GALNT13: variants seen among roughly 807,000 people sequenced by gnomAD.
The protein encoded by GALNT13 is polypeptide N-acetylgalactosaminyltransferase 13, also known as UDP-GalNAc:polypeptide N-acetylgalactosaminyltransferase 13.
A neutral mutation model predicts 64.2 loss-of-function variants in GALNT13; 28 were observed. That is an observed-to-expected ratio of 0.44 (90% CI 0.32 to 0.60). The LOEUF is 0.60. Ranked by LOEUF, GALNT13 falls within the 20% of genes least tolerant of loss-of-function variation. The probability of loss-of-function intolerance (pLI) is 0.05; values close to 1 mark genes in which losing one functional copy is unlikely to be tolerated. For missense variants in GALNT13, 577 were observed against 669.8 expected, an observed-to-expected ratio of 0.86 and a Z score of 1.53; for synonymous variants, 214 against 224.6, an observed-to-expected ratio of 0.95 and a Z score of 0.42.
rs115739622 is a variant in GALNT13 at position 154,086,802 on chromosome 2, C to A, written c.143-53535C>A. 5.3e-3 allele frequency among the ~76,000 whole-genome samples: 804 copies of A among 152,110 alleles called. 5 individuals are homozygous for A. The highest frequency in any genetic ancestry group is 0.018 in the African/African-American group (758 of 41,506). The stretch of plus-strand genomic sequence containing the variant: ...CACACACACGCGCACGCGATAGGAT[C>A]CAGATTGATGCCCTAATAAAGTAAC... On this transcript the variant is annotated intron_variant, in intron 3 of 12. Coordinates refer to ENST00000392825, the MANE Select transcript of GALNT13 (RefSeq NM_052917.4).
chr2:153,773,519 T>C, the GALNT13 span, among the ~76,000 whole-genome samples: 1 of 152,228 alleles, frequency 6.6e-6, no homozygotes, highest in Admixed American at 6.5e-5. Context: ...CTATGTGGAA[T>C]AGAATATAGA....
chr2:154,332,027 G>C (rs929029034), intron 9 of GALNT13, among the ~76,000 whole-genome samples: 1 of 151,990 alleles, frequency 6.6e-6, no homozygotes, highest in Non-Finnish European at 1.5e-5. Context: ...TGTTGTACTG[G>C]GTTGAATAAT....
chr2:153,470,135 G>C, the GALNT13 span, among the ~76,000 whole-genome samples: 1 of 152,174 alleles, frequency 6.6e-6, no homozygotes, highest in Non-Finnish European at 1.5e-5. Context: ...GACTAGCTGT[G>C]TGGAACCGTA....
At chr2:154,190,406 C>T (rs1686509949) in intron 4 of GALNT13, among the ~76,000 whole-genome samples, 1 of 152,170 alleles carries the variant, frequency 6.6e-6, no homozygotes, top group African/African-American at 2.4e-5. Context: ...ATGTGATTAA[C>T]ATGCTGGGTT....
At chr2:154,116,970 G>C (rs946319883) in intron 3 of GALNT13, among the ~76,000 whole-genome samples, 2 of 152,162 alleles carry the variant, frequency 1.3e-5, no homozygotes, top group Admixed American at 1.3e-4. Flanking sequence ...CCAGCTGCAA[G>C]CTGAGGAGCA....
intron 3 of GALNT13, among the ~76,000 whole-genome samples, chr2:153,992,305 A>G (rs1471452239): frequency 6.6e-6 from 1 of 152,220 alleles, no homozygotes; most frequent in Non-Finnish European, 1.5e-5. Context: ...TTAGTGTGCT[A>G]AGATTATATA....
At chr2:154,446,604 C>T (rs1476423466) in intron 12 of GALNT13, 6 of 1,547,538 alleles carry the variant, frequency 3.9e-6, no homozygotes, top group African/African-American at 2.7e-5. Context: ...CCAGTCTTGT[C>T]TCTCAGTGAA....
At chr2:153,329,200 C>T in the GALNT13 span, among the ~76,000 whole-genome samples, 4 of 152,110 alleles carry the variant, frequency 2.6e-5, no homozygotes, top group African/African-American at 7.2e-5. Context: ...AATCACCCAC[C>T]TTCTGCATTG....
the GALNT13 span, among the ~76,000 whole-genome samples, chr2:153,814,419 T>G: frequency 3.3e-5 from 5 of 151,996 alleles, no homozygotes; most frequent in Non-Finnish European, 5.9e-5. Context: ...CAGCCTGGGC[T>G]ACAGAGCGAG....
At chr2:153,779,947 G>C in the GALNT13 span, among the ~76,000 whole-genome samples, 1 of 151,854 alleles carries the variant, frequency 6.6e-6, no homozygotes, top group Non-Finnish European at 1.5e-5. Flanking sequence ...TTTAACATGT[G>C]TGGTGAACGT....
At chr2:153,260,311 T>C in the GALNT13 span, among the ~76,000 whole-genome samples, 1 of 152,332 alleles carries the variant, frequency 6.6e-6, no homozygotes, top group African/African-American at 2.4e-5. Context: ...CTTCACATGA[T>C]TTCTTATTGC....
At chr2:153,792,906 C>T in the GALNT13 span, among the ~76,000 whole-genome samples, 1 of 151,710 alleles carries the variant, frequency 6.6e-6, no homozygotes, top group African/African-American at 2.4e-5. Flanking sequence ...CAGAAACATA[C>T]TAGGTCTCTC....
At chr2:153,846,860 C>T in the GALNT13 span, among the ~76,000 whole-genome samples, 1 of 152,180 alleles carries the variant, frequency 6.6e-6, no homozygotes, top group East Asian at 1.9e-4. Flanking sequence ...TATAAATTTA[C>T]AGTTACAACA....
chr2:153,332,353 G>A, the GALNT13 span, among the ~76,000 whole-genome samples: 1 of 152,026 alleles, frequency 6.6e-6, no homozygotes, highest in Non-Finnish European at 1.5e-5. Flanking sequence ...CTGTATCCCA[G>A]ATATTGTGAT....
chr2:153,539,158 T>C, the GALNT13 span, among the ~76,000 whole-genome samples: 4 of 148,844 alleles, frequency 2.7e-5, no homozygotes, highest in African/African-American at 1.0e-4. Context: ...ATGAGCATTT[T>C]TCCATGTGTT....
chr2:153,665,794 C>A, the GALNT13 span, among the ~76,000 whole-genome samples: 3 of 151,994 alleles, frequency 2.0e-5, no homozygotes, highest in African/African-American at 7.2e-5. Context: ...ATCCTAGCCG[C>A]AGGAGATCCC....
the GALNT13 span, among the ~76,000 whole-genome samples, chr2:153,519,954 T>A: frequency 6.6e-6 from 1 of 152,112 alleles, no homozygotes; most frequent in Non-Finnish European, 1.5e-5. Flanking sequence ...AAGATCTTCG[T>A]TTTCTTAGAG....
chr2:153,802,349 C>A, the GALNT13 span, among the ~76,000 whole-genome samples: 1 of 152,064 alleles, frequency 6.6e-6, no homozygotes, highest in African/African-American at 2.4e-5. Flanking sequence ...AACTAAAATA[C>A]ATATTATAAT....
intron 1 of GALNT13, among the ~76,000 whole-genome samples, chr2:153,887,141 A>T (rs1259144444): frequency 6.6e-6 from 1 of 151,710 alleles, no homozygotes; most frequent in Non-Finnish European, 1.5e-5. Context: ...CATAACATTA[A>T]CTCATTTAAT....
Sources: gnomAD v4.1 joint callset for allele counts (sites outside exome capture counted in the v4.1 genomes callset) on GRCh38, gnomAD v4.1.1 for gene constraint, MANE v1.5 for transcripts, NCBI Gene and HGNC (gene_info 2026-07-23, HGNC 2026-07-21) for gene names.